The following ABCB1 variants were observed in gnomAD, a reference collection of about 807,000 sequenced individuals.
ABCB1 encodes ATP-dependent translocase ABCB1.
In ABCB1, 69 loss-of-function variants were observed where a neutral mutation model predicts 142.0. That is an observed-to-expected ratio of 0.49 (90% CI 0.40 to 0.59). The LOEUF (loss-of-function observed/expected upper bound fraction) is 0.59, where lower values mean the gene tolerates loss of function less well. Among genes scored for constraint, ABCB1 ranks in the 20% least tolerant of loss-of-function variants. The pLI is 0.00. For missense variants in ABCB1, 1,326 were observed against 1,554.7 expected (o/e 0.85, Z 2.47); for synonymous variants, 532 against 539.2 (o/e 0.99, Z 0.18).
intron 20 of ABCB1, among the ~76,000 whole-genome samples, chr7:87,533,093 A>G (rs1474235829): frequency 6.6e-6 from 1 of 152,120 alleles, no homozygotes; most frequent in Non-Finnish European, 1.5e-5. Context: ...TTGAGCTTAT[A>G]TTAAAGGGAT....
At chr7:87,653,466 T>C (rs1823779825) in intron 1 of ABCB1, among the ~76,000 whole-genome samples, 1 of 152,114 alleles carries the variant, frequency 6.6e-6, no homozygotes, top group South Asian at 2.1e-4. Flanking sequence ...TTTTCTAGCC[T>C]CTTTCCTGCT....
At chr7:87,586,054 C>A (rs1818737158) in intron 3 of ABCB1, among the ~76,000 whole-genome samples, 1 of 152,146 alleles carries the variant, frequency 6.6e-6, no homozygotes, top group Non-Finnish European at 1.5e-5. Flanking sequence ...AACTTGAATG[C>A]CAAAGGCCCC....
chr7:87,590,837 G>A (rs1363761849), intron 3 of ABCB1, among the ~76,000 whole-genome samples: 1 of 152,212 alleles, frequency 6.6e-6, no homozygotes, highest in African/African-American at 2.4e-5. Context: ...AGGGACCAAG[G>A]TGATATGATG....
chr7:87,604,112 T>C (rs1819559754), upstream of ABCB1, among the ~76,000 whole-genome samples: 1 of 152,224 alleles, frequency 6.6e-6, no homozygotes, highest in Admixed American at 6.5e-5. Flanking sequence ...AACAACACAT[T>C]TATAGAAATT....
chr7:87,540,158 TTAAA>T (rs1314793824), intron 18 of ABCB1, among the ~76,000 whole-genome samples: 1 of 152,228 alleles, frequency 6.6e-6, no homozygotes, highest in Admixed American at 6.5e-5. Context: ...TGCTTACATG[TTAAA>T]TAAAGAGATC....
At chr7:87,546,566 A>T (rs958400616) in intron 14 of ABCB1, among the ~76,000 whole-genome samples, 5 of 148,192 alleles carry the variant, frequency 3.4e-5, no homozygotes, top group Non-Finnish European at 6.0e-5. Flanking sequence ...AAAAAAAAAA[A>T]ATAAAAAATA....
intron 1 of ABCB1, among the ~76,000 whole-genome samples, chr7:87,704,424 T>C (rs1829414381): frequency 6.6e-6 from 1 of 152,156 alleles, no homozygotes; most frequent in Non-Finnish European, 1.5e-5. Flanking sequence ...ACCCTTTCAA[T>C]AGAGGGGAGG....
In ABCB1 at chr7:87,653,850, T is replaced by C. The variant is rs184663861; in HGVS notation, c.-330-52772A>G. On this transcript the variant is annotated intron_variant, in intron 1 of 28. Coordinates refer to the ABCB1 transcript ENST00000265724. ...TTAGTATTGCTCTTAAAAATCTGGT[T>C]CTCAGAGCTGAGTAAAGTGCTTCAG... Among the ~76,000 whole-genome samples, 455 of 152,160 alleles carry C rather than the reference T, an allele frequency of 3.0e-3. 2 individuals are homozygous for C. Among genetic ancestry groups the C allele is most frequent in the African/African-American group, 0.011 (439 of 41,560 alleles).
Position 87,700,350 on chromosome 7 carries a change from T to C in ABCB1, c.-331+12811A>G, listed in dbSNP as rs75352149. ...ATTACCTTTATTTTTCAGAATTTTATTGTTCTTGCATTTTCAAGTCTAGTT... is the reference window on the plus strand; with the variant it reads ...ATTACCTTTATTTTTCAGAATTTTACTGTTCTTGCATTTTCAAGTCTAGTT... On this transcript the variant is annotated intron_variant, in intron 1 of 28. Coordinates refer to the ABCB1 transcript ENST00000265724. 4.7e-4 allele frequency: 601 copies of C among 1,285,232 alleles called. 1 individual carries two copies. In the East Asian group the frequency reaches 7.1e-3, roughly 15 times the overall value. 79.6% of individuals were successfully genotyped at this position (1,285,232 alleles called of 1,614,324 possible).
chr7:87,584,676 G>C (rs1818657761), intron 4 of ABCB1, among the ~76,000 whole-genome samples: 1 of 152,054 alleles, frequency 6.6e-6, no homozygotes, highest in African/African-American at 2.4e-5. Flanking sequence ...CAATTCTCCT[G>C]CTTCCTACTT....
chr7:87,545,770 G>A, intron 15 of ABCB1, 93 bp downstream of exon 15: 26 of 1,362,682 alleles, frequency 1.9e-5, no homozygotes, highest in Non-Finnish European at 2.5e-5. Flanking sequence ...ACTTTGTAAG[G>A]TAATCAAATC....
At chr7:87,656,427 G>T (rs1165295747) in intron 1 of ABCB1, among the ~76,000 whole-genome samples, 1 of 152,066 alleles carries the variant, frequency 6.6e-6, no homozygotes, top group Non-Finnish European at 1.5e-5. Flanking sequence ...CTGAGGACTG[G>T]AACGATGCAG....
chr7:87,556,039 C>T (rs142277582), intron 8 of ABCB1, among the ~76,000 whole-genome samples: 56 of 152,278 alleles, frequency 3.7e-4, no homozygotes, highest in African/African-American at 1.3e-3. Flanking sequence ...AACAATACTC[C>T]TTTTCCATAA....
chr7:87,517,753 A>G (rs1815316131), intron 23 of ABCB1, among the ~76,000 whole-genome samples: 1 of 152,212 alleles, frequency 6.6e-6, no homozygotes, highest in Admixed American at 6.5e-5. Context: ...AGATGCATTG[A>G]CGTTCTTATC....
chr7:87,549,997 T>C lies in ABCB1; in HGVS notation c.1408A>G (p.Ile470Val). The C allele has an allele frequency of 6.2e-7, 1 of 1,614,254 alleles. No individual in the cohort carries two copies. The highest frequency in any genetic ancestry group is 8.5e-7 in the Non-Finnish European group (1 of 1,180,036). Residue 470 changes from isoleucine to valine, a missense_variant, in exon 13 of 28, where the codon ATT becomes GTT. Transcript: ENST00000622132. ...ACAGGTTCCTGACTCACCACACCAA[T>C]GATTTCCCGTAGAAACCTTACATTT... ...TINVRFLREI[I>V]GVVSQEPVLF...
At chr7:87,634,610 G>C (rs1307955174) in intron 1 of ABCB1, among the ~76,000 whole-genome samples, 1 of 150,486 alleles carries the variant, frequency 6.6e-6, no homozygotes, top group Non-Finnish European at 1.5e-5. Flanking sequence ...CTGGGAGAAA[G>C]AGTGAGACTC....
At chr7:87,711,359 CTTAT>C (rs1583962275) in intron 1 of ABCB1, among the ~76,000 whole-genome samples, 1 of 151,700 alleles carries the variant, frequency 6.6e-6, no homozygotes, top group East Asian at 1.9e-4. Context: ...TAATAATTTA[CTTAT>C]TTAATTCATA....
intron 1 of ABCB1, among the ~76,000 whole-genome samples, chr7:87,684,640 C>T (rs1344126883): frequency 6.8e-6 from 1 of 147,742 alleles, no homozygotes; most frequent in Non-Finnish European, 1.5e-5. Flanking sequence ...CCCAGCTACG[C>T]AGGAGGCTGA....
intron 2 of ABCB1, among the ~76,000 whole-genome samples, chr7:87,596,911 G>A (rs1420978893): frequency 6.6e-6 from 1 of 152,024 alleles, no homozygotes; most frequent in Non-Finnish European, 1.5e-5. Context: ...ATAAATAGTT[G>A]AGTTTTAGCT....
Sources: gnomAD v4.1 joint callset for allele counts (sites outside exome capture counted in the v4.1 genomes callset) on GRCh38, gnomAD v4.1.1 for gene constraint, MANE v1.5 for transcripts, NCBI Gene and HGNC (gene_info 2026-07-23, HGNC 2026-07-21) for gene names.